SLC25A47: variants seen among roughly 807,000 people sequenced by gnomAD.
The protein encoded by SLC25A47 is solute carrier family 25 member 47.
SLC25A47 carries 30 observed loss-of-function variants against 29.8 expected under a neutral mutation model. The observed-to-expected ratio is 1.01, with a 90% CI of 0.75 to 1.36. The LOEUF (loss-of-function observed/expected upper bound fraction) is 1.36. SLC25A47 is among the 40% of genes most tolerant of loss of function. SLC25A47 has a pLI of 0.00. For synonymous variants in SLC25A47, 204 were observed against 197.8 expected (o/e 1.03, Z -0.26); for missense variants, 430 against 441.9 (o/e 0.97, Z 0.24).
chr14:100,324,231 T>C lies in SLC25A47; in HGVS notation c.28+789T>C, dbSNP rs1893298631. On this transcript the variant is annotated intron_variant, in intron 1 of 5. Transcript: ENST00000361529. ...TGCCCCATTAACAGGCTTTTTCTTT[T>C]TTTTTTCCCTTGAGATGGAGTCTTG... is the stretch of plus-strand genomic sequence containing the variant. Among the ~76,000 whole-genome samples, 6 of 152,124 alleles carry C rather than the reference T, an allele frequency of 3.9e-5. No individual in the cohort carries two copies. In the South Asian group the frequency reaches 1.2e-3, roughly 32 times the overall value.
intron 1 of SLC25A47, among the ~76,000 whole-genome samples, chr14:100,324,471 C>T (rs867803522): frequency 2.6e-5 from 4 of 152,184 alleles, no homozygotes; most frequent in East Asian, 3.9e-4. Context: ...GCGATCCGCA[C>T]GCCTCAGCCT....
At position 100,329,728 on chromosome 14, in the gene SLC25A47, G is replaced by T; in HGVS notation, c.*83G>T. 1 of 1,516,514 alleles carries T rather than the reference G, an allele frequency of 6.6e-7. No homozygotes were observed. The highest frequency in any genetic ancestry group is 1.4e-5 in the African/African-American group (1 of 72,890). 93.9% of individuals were successfully genotyped at this position (1,516,514 alleles called of 1,614,324 possible). On this transcript the variant is annotated 3_prime_UTR_variant, in exon 6 of 6. Transcript: ENST00000361529. ...GAGGAGGCAAGGGGTAGTGTGGCTG[G>T]GTTCGGGACCCCACAGGGCCATTGC... is the stretch of plus-strand genomic sequence containing the variant.
intron 1 of SLC25A47, among the ~76,000 whole-genome samples, chr14:100,325,009 A>G (rs1294915228): frequency 1.3e-5 from 2 of 152,140 alleles, no homozygotes; most frequent in Non-Finnish European, 2.9e-5. Flanking sequence ...CTTTCATCCC[A>G]CATATTTACT....
rs762617459 is a variant in SLC25A47, at chr14:100,325,768, G to A, written c.29-20G>A. On this transcript the variant is annotated intron_variant, in intron 1 of 5. Coordinates refer to ENST00000361529, the MANE Select transcript of SLC25A47 (RefSeq NM_207117.4). Reference sequence around the variant, plus strand: ...CGCCGGCCCCACTCTCCTCACCGTGGGCCTCTTCTTTCCTTGCAGGCGTCT... The same window carrying A: ...CGCCGGCCCCACTCTCCTCACCGTGAGCCTCTTCTTTCCTTGCAGGCGTCT... 2 of 1,612,170 alleles carry A rather than the reference G, an allele frequency of 1.2e-6. No homozygotes were observed. The highest frequency in any genetic ancestry group is 2.2e-5 in the East Asian group (1 of 44,818).
intron 2 of SLC25A47, 109 bp downstream of exon 2, chr14:100,325,940 C>T: frequency 8.0e-7 from 1 of 1,247,948 alleles, no homozygotes; most frequent in Non-Finnish European, 1.1e-6. Context: ...ACCCAAATGC[C>T]TTCAATGGCT....
Position 100,329,924 on chromosome 14 carries a change from A to G in SLC25A47, c.*279A>G. 2.0e-6 allele frequency: 1 copy of G among 499,806 alleles called. No homozygotes were observed. The highest frequency in any genetic ancestry group is 3.6e-6 in the Non-Finnish European group (1 of 278,192). 31.0% of individuals were successfully genotyped at this position (499,806 alleles called of 1,614,324 possible). A position where few individuals can be genotyped will look rare whatever the true frequency, so the allele number is the denominator to read the frequency against. On this transcript the variant is annotated 3_prime_UTR_variant, in exon 6 of 6. Coordinates refer to ENST00000361529, the MANE Select transcript of SLC25A47 (RefSeq NM_207117.4). ...TTGATGAGAGCGTTGAGTTGCATGG[A>G]GTCGGTTGTTCATCCCAGCCTCCCC...
chr14:100,329,604 T>C lies in SLC25A47; in HGVS notation c.886T>C (p.Tyr296His). Residue 296 changes from tyrosine to histidine, a missense_variant, in exon 6 of 6, where the codon TAT becomes CAT. Coordinates refer to ENST00000361529, the MANE Select transcript of SLC25A47 (RefSeq NM_207117.4). ...TGTCAACATGGTGGTCTTCGTCGCC[T>C]ATGAGGCAGTGCTGAGGCTCGCCCG... is the stretch of plus-strand genomic sequence containing the variant. ...FPVNMVVFVA[Y>H]EAVLRLARGL... 1.2e-6 allele frequency: 2 copies of C among 1,613,570 alleles called. No individual in the cohort carries two copies. Among genetic ancestry groups the C allele is most frequent in the Non-Finnish European group, 1.7e-6 (2 of 1,179,978 alleles).
chr14:100,326,212 C>G lies in SLC25A47; in HGVS notation c.128C>G (p.Thr43Arg). Reference sequence around the variant, plus strand: ...GGCATCTGGCACTGCGTCCGGGATACGTATCACCGAGAGCGCGTAGGTCTG... The same window carrying G: ...GGCATCTGGCACTGCGTCCGGGATAGGTATCACCGAGAGCGCGTAGGTCTG... ...YTGIWHCVRDTYHRERVWGFY... is the reference protein window; with the variant it reads ...YTGIWHCVRDRYHRERVWGFY... Residue 43 changes from threonine (T) to arginine (R), a missense_variant, in exon 3 of 6, where the codon ACG (threonine) becomes AGG (arginine). Thr to Arg is a moderately conservative substitution (Grantham distance 71). Coordinates refer to ENST00000361529, the MANE Select transcript of SLC25A47 (RefSeq NM_207117.4). 3 of 1,613,736 alleles carry G rather than the reference C, an allele frequency of 1.9e-6. No individual in the cohort carries two copies. The highest frequency in any genetic ancestry group is 1.7e-6 in the Non-Finnish European group (2 of 1,179,904).
chr14:100,328,941 C>T lies in SLC25A47; in HGVS notation c.543C>T (p.Gly181=), dbSNP rs376637777. The change falls in exon 5 of 6, where the codon GGC becomes GGT. Residue 181 remains glycine, a synonymous_variant. Coordinates refer to ENST00000361529, the MANE Select transcript of SLC25A47 (RefSeq NM_207117.4). ...AGGGGCTGTGCGGCCTCTACAAGGG[C>T]AGCTCGGCCCTGGTCTTACGGGACG... ...REEGLCGLYK[G]SSALVLRDGH... 7.2e-5 allele frequency: 116 copies of T among 1,605,958 alleles called. No individual in the cohort carries two copies. The highest frequency in any genetic ancestry group is 4.5e-4 in the Admixed American group (27 of 60,030).
chr14:100,328,575 C>A (rs1475787205), intron 4 of SLC25A47, 151 bp from the exon 5 acceptor site: 2 of 745,994 alleles, frequency 2.7e-6, no homozygotes, highest in Admixed American at 2.8e-5. Context: ...TGGCTTTGGG[C>A]CCCGTGGCCC....
chr14:100,325,754 C>T, intron 1 of SLC25A47, 34 bp from the exon 2 acceptor site: 1 of 1,608,452 alleles, frequency 6.2e-7, no homozygotes. Flanking sequence ...GCCGGCCCCA[C>T]TCTCCTCACC....
At chr14:100,324,172 G>T (rs1820493969) in intron 1 of SLC25A47, among the ~76,000 whole-genome samples, 1 of 152,106 alleles carries the variant, frequency 6.6e-6, no homozygotes, top group South Asian at 2.1e-4. Context: ...TGGGAGAGCG[G>T]CCCAGCTCTG....
rs774415137 is a variant in SLC25A47, at chr14:100,329,016, G to A, written c.618G>A (p.Trp206Ter). Reference sequence around the variant, plus strand: ...TTTCCTACGCGGTCCTCTGCGAGTGGCTCAGCCCCGCTGGCCACAGCCGGC... The same window carrying A: ...TTTCCTACGCGGTCCTCTGCGAGTGACTCAGCCCCGCTGGCCACAGCCGGC... The part of the protein sequence containing the change: ...YFLSYAVLCE[W>*]LSPAGHSRPD... Residue 206 changes from tryptophan to a stop codon, truncating the protein, a stop_gained, in exon 5 of 6, where the codon TGG becomes TGA. Transcript: ENST00000361529. LOFTEE classifies it high-confidence loss of function. 1 of 1,599,616 alleles carries A rather than the reference G, an allele frequency of 6.3e-7. No homozygotes were observed.
At chr14:100,325,313 C>G (rs1893316199) in intron 1 of SLC25A47, among the ~76,000 whole-genome samples, 1 of 152,218 alleles carries the variant, frequency 6.6e-6, no homozygotes, top group Non-Finnish European at 1.5e-5. Context: ...GGCCTTTGCC[C>G]AGGCTGTGCC....
intron 2 of SLC25A47, 110 bp downstream of exon 2, chr14:100,325,941 T>C: frequency 8.0e-7 from 1 of 1,247,836 alleles, no homozygotes; most frequent in Non-Finnish European, 1.1e-6. Flanking sequence ...CCCAAATGCC[T>C]TCAATGGCTC....
Position 100,323,426 on chromosome 14 carries a change from C to A in SLC25A47, c.12C>A (p.Val4=). The A allele has an allele frequency of 1.2e-6, 2 of 1,613,782 alleles. No homozygotes were observed. Among genetic ancestry groups the A allele is most frequent in the South Asian group, 1.1e-5 (1 of 91,044 alleles). The change falls in exon 1 of 6, where the codon GTC becomes GTA. Residue 4 remains valine (V), a synonymous_variant. Coordinates refer to ENST00000361529, the MANE Select transcript of SLC25A47 (RefSeq NM_207117.4). ...GCCACACCTTGTTCATGGATTTTGT[C>A]GCTGGAGCCATCGGAGGTAACAGAC... is the stretch of plus-strand genomic sequence containing the variant. MDF[V]AGAIGGVCGV...
intron 1 of SLC25A47, 112 bp from the exon 2 acceptor site, chr14:100,325,676 C>G (rs1014701823): frequency 9.1e-7 from 1 of 1,095,290 alleles, no homozygotes; most frequent in Non-Finnish European, 1.3e-6. Flanking sequence ...AAATGTGGGT[C>G]TGCCCTTGGG....
At chr14:100,324,870 G>A (rs1351704970) in intron 1 of SLC25A47, among the ~76,000 whole-genome samples, 2 of 152,218 alleles carry the variant, frequency 1.3e-5, no homozygotes, top group East Asian at 1.9e-4. Context: ...CAGAGAGGAG[G>A]TAGTGTCGTG....
chr14:100,325,954 C>G, intron 2 of SLC25A47, 123 bp downstream of exon 2: 1 of 1,157,812 alleles, frequency 8.6e-7, no homozygotes, highest in Non-Finnish European at 1.2e-6. Context: ...AATGGCTCCC[C>G]ATAGCCCCTG....
Sources: allele counts gnomAD v4.1 joint callset (sites outside exome capture counted in the v4.1 genomes callset), GRCh38; gene constraint gnomAD v4.1.1; transcripts MANE v1.5; gene names NCBI Gene and HGNC (gene_info 2026-07-23, HGNC 2026-07-21).